PLXNA1: variants seen among roughly 807,000 people sequenced by gnomAD.
PLXNA1 encodes the protein plexin-A1.
Under a neutral mutation model 191.7 loss-of-function variants are expected in PLXNA1, and 77 were observed. That is an observed-to-expected ratio of 0.40 (90% CI 0.33 to 0.49). PLXNA1 has a LOEUF of 0.49. PLXNA1 is among the 20% of genes least tolerant of loss of function. PLXNA1 has a pLI of 0.63. For synonymous variants in PLXNA1, 1,137 were observed against 1,156.4 expected, an observed-to-expected ratio of 0.98 and a Z score of 0.34; for missense variants, 2,110 against 2,660.2, an observed-to-expected ratio of 0.79 and a Z score of 4.55.
intron 19 of PLXNA1, 25 bp downstream of exon 19, chr3:127,017,917 G>C: frequency 6.2e-7 from 1 of 1,609,126 alleles, no homozygotes; most frequent in Non-Finnish European, 8.5e-7. Context: ...CGGGGGTGCA[G>C]AGCTGGGAGA....
chr3:127,020,914 C>T (rs369090742), intron 21 of PLXNA1, among the ~76,000 whole-genome samples: 2 of 152,208 alleles, frequency 1.3e-5, no homozygotes, highest in African/African-American at 2.4e-5. Context: ...GGCTTTGCCC[C>T]GTAGACCTTG....
At chr3:127,024,053 T>C (rs992839333) in intron 23 of PLXNA1, among the ~76,000 whole-genome samples, 1 of 152,196 alleles carries the variant, frequency 6.6e-6, no homozygotes, top group African/African-American at 2.4e-5. Flanking sequence ...AAGTCGTGCG[T>C]GTCCTGTAGA....
chr3:127,032,625 G>T (rs749175836), intron 30 of PLXNA1, 26 bp downstream of exon 30: 2 of 1,610,408 alleles, frequency 1.2e-6, no homozygotes, highest in African/African-American at 2.7e-5. Context: ...AGGGGTCGGG[G>T]GCAGGGGCCC....
At chr3:127,016,470 T>G (rs1427334366) in intron 15 of PLXNA1, 47 bp from the exon 16 acceptor site, 5 of 1,588,360 alleles carry the variant, frequency 3.1e-6, no homozygotes, top group East Asian at 2.2e-5. Context: ...TCCACCTGCC[T>G]GGGTTCCACC....
intron 25 of PLXNA1, 53 bp from the exon 26 acceptor site, chr3:127,028,940 A>C: frequency 7.1e-7 from 1 of 1,408,234 alleles, no homozygotes. Flanking sequence ...GCTGTGATGG[A>C]GGAGGGAAAG....
chr3:127,004,125 C>T (rs1330715338), intron 4 of PLXNA1, among the ~76,000 whole-genome samples: 3 of 152,366 alleles, frequency 2.0e-5, no homozygotes, highest in East Asian at 1.9e-4. Flanking sequence ...CCCTCCTGGG[C>T]GCAGTGGGGT....
intron 4 of PLXNA1, among the ~76,000 whole-genome samples, chr3:127,004,214 T>C (rs532393183): frequency 6.6e-6 from 1 of 152,320 alleles, no homozygotes; most frequent in South Asian, 2.1e-4. Flanking sequence ...CAGAGTGAGC[T>C]GGGGCCCAGC....
intron 16 of PLXNA1, 102 bp downstream of exon 16, chr3:127,016,786 G>A (rs1023984515): frequency 4.9e-5 from 71 of 1,445,360 alleles, no homozygotes; most frequent in Non-Finnish European, 5.8e-5. Context: ...CCTGCATGCC[G>A]GGTACTATCC....
At chr3:127,020,728 C>T (rs1173159456) in intron 21 of PLXNA1, among the ~76,000 whole-genome samples, 2 of 152,104 alleles carry the variant, frequency 1.3e-5, no homozygotes, top group African/African-American at 2.4e-5. Flanking sequence ...TGGGCCCTGC[C>T]TCTGTTGGGG....
chr3:127,027,576 G>A, intron 23 of PLXNA1: 1 of 430,194 alleles, frequency 2.3e-6, no homozygotes. Context: ...TGGGAGGCTG[G>A]AGCTAGGCGG....
At chr3:127,018,897 G>A (rs1187391289) in intron 20 of PLXNA1, among the ~76,000 whole-genome samples, 5 of 152,204 alleles carry the variant, frequency 3.3e-5, no homozygotes, top group South Asian at 2.1e-4. Context: ...GCTGGGAGTC[G>A]TGGTGGGTTG....
chr3:127,031,090 G>T (rs2079207894), intron 29 of PLXNA1, among the ~76,000 whole-genome samples: 1 of 152,190 alleles, frequency 6.6e-6, no homozygotes, highest in South Asian at 2.1e-4. Context: ...CCACCCCTGG[G>T]ACAGTGACCT....
At chr3:127,020,114 A>G in intron 20 of PLXNA1, 88 bp from the exon 21 acceptor site, 2 of 1,512,366 alleles carry the variant, frequency 1.3e-6, no homozygotes, top group Non-Finnish European at 1.8e-6. Flanking sequence ...CAGAGCCAGG[A>G]TTTGATGTAG....
intron 1 of PLXNA1, among the ~76,000 whole-genome samples, chr3:126,984,657 G>A (rs575563631): frequency 4.8e-4 from 60 of 124,658 alleles, no homozygotes; most frequent in Non-Finnish European, 8.0e-4. Flanking sequence ...GGCGTTTTGG[G>A]CAGAGGACAG....
At chr3:127,004,506 A>G (rs552102861) in intron 4 of PLXNA1, 105 bp from the exon 5 acceptor site, 3 of 803,008 alleles carry the variant, frequency 3.7e-6, no homozygotes, top group South Asian at 1.6e-5. Context: ...GAACAAGTGC[A>G]GGGCCTCCCC....
chr3:127,030,899 C>T (rs749523694), intron 29 of PLXNA1, among the ~76,000 whole-genome samples: 5 of 152,304 alleles, frequency 3.3e-5, no homozygotes, highest in African/African-American at 7.2e-5. Context: ...CACGGTCTCA[C>T]GGAGCAGCTG....
chr3:127,020,808 C>T (rs2079148519), intron 21 of PLXNA1, among the ~76,000 whole-genome samples: 1 of 151,946 alleles, frequency 6.6e-6, no homozygotes, highest in South Asian at 2.1e-4. Flanking sequence ...TGGGCAGGGG[C>T]CGTGTGCTGG....
chr3:127,027,834 A>G (rs746690245), intron 23 of PLXNA1, 106 bp from the exon 24 acceptor site: 1 of 1,494,090 alleles, frequency 6.7e-7, no homozygotes, highest in South Asian at 1.2e-5. Flanking sequence ...AGTGCTGCTC[A>G]TTTCTCCTTG....
At chr3:127,007,166 G>A (rs2079073470) in intron 8 of PLXNA1, among the ~76,000 whole-genome samples, 1 of 152,198 alleles carries the variant, frequency 6.6e-6, no homozygotes, top group African/African-American at 2.4e-5. Flanking sequence ...CGGGTCAGGA[G>A]ATCCTGGAGA....
Sources: allele counts gnomAD v4.1 joint callset (sites outside exome capture counted in the v4.1 genomes callset), GRCh38; gene constraint gnomAD v4.1.1; transcripts MANE v1.5; gene names NCBI Gene and HGNC (gene_info 2026-07-23, HGNC 2026-07-21).